SORCS1: variants seen among roughly 807,000 people sequenced by gnomAD.
SORCS1 encodes sortilin related VPS10 domain containing receptor 1, also known as VPS10 domain-containing receptor SorCS1.
Under a neutral mutation model 146.1 loss-of-function variants are expected in SORCS1, and 60 were observed. The observed-to-expected ratio is 0.41, with a 90% CI of 0.33 to 0.51. The LOEUF (loss-of-function observed/expected upper bound fraction) is 0.51. Among genes scored for constraint, SORCS1 ranks in the 20% least tolerant of loss-of-function variants. SORCS1 has a pLI of 0.21. For missense variants in SORCS1, 1,352 were observed against 1,487.6 expected (o/e 0.91, Z 1.50); for synonymous variants, 637 against 584.0 (o/e 1.09, Z -1.31).
chr10:106,583,735 C>T (rs974738772), intron 24 of SORCS1, among the ~76,000 whole-genome samples: 23 of 151,954 alleles, frequency 1.5e-4, no homozygotes, highest in Non-Finnish European at 2.8e-4. Context: ...GTCTCGAACG[C>T]TAACCTTGAG....
At chr10:106,816,371 A>G (rs566107086) in intron 3 of SORCS1, among the ~76,000 whole-genome samples, 2 of 152,316 alleles carry the variant, frequency 1.3e-5, no homozygotes, top group Non-Finnish European at 2.9e-5. Flanking sequence ...CTGAGAGGCC[A>G]CCAGCCTAGC....
chr10:106,647,059 C>T (rs1849504883), intron 18 of SORCS1, among the ~76,000 whole-genome samples: 1 of 140,350 alleles, frequency 7.1e-6, no homozygotes, highest in African/African-American at 2.6e-5. Flanking sequence ...GTCAGTCATC[C>T]AAATTTGTGA....
intron 2 of SORCS1, among the ~76,000 whole-genome samples, chr10:106,853,235 T>C (rs531210396): frequency 6.6e-6 from 1 of 152,312 alleles, no homozygotes; most frequent in African/African-American, 2.4e-5. Flanking sequence ...ACTTCACCTA[T>C]GTTATTAAAT....
At chr10:106,647,741 AC>A (rs1849553772) in intron 18 of SORCS1, among the ~76,000 whole-genome samples, 1 of 152,206 alleles carries the variant, frequency 6.6e-6, no homozygotes, top group South Asian at 2.1e-4. Context: ...TTGTGGTATG[AC>A]TTTTTTCACA....
chr10:106,867,902 G>T (rs924591907), intron 2 of SORCS1, among the ~76,000 whole-genome samples: 3 of 152,116 alleles, frequency 2.0e-5, no homozygotes, highest in Non-Finnish European at 4.4e-5. Flanking sequence ...CACTTTAAAG[G>T]CACAGAGTGT....
At chr10:106,809,435 A>G (rs1947352056) in intron 3 of SORCS1, among the ~76,000 whole-genome samples, 1 of 152,130 alleles carries the variant, frequency 6.6e-6, no homozygotes, top group Admixed American at 6.6e-5. Context: ...AGGCTCTCTC[A>G]TCATGCCAGG....
chr10:107,056,672 A>G (rs536479957), intron 1 of SORCS1, among the ~76,000 whole-genome samples: 2 of 152,364 alleles, frequency 1.3e-5, no homozygotes, highest in South Asian at 4.1e-4. Context: ...TATAAGTGAT[A>G]AAAAGCAAGA....
At chr10:106,737,182 C>T (rs1458767771) in intron 5 of SORCS1, among the ~76,000 whole-genome samples, 1 of 152,066 alleles carries the variant, frequency 6.6e-6, no homozygotes, top group East Asian at 1.9e-4. Flanking sequence ...GAGCAAAGGG[C>T]TTGGTAAATA....
Position 107,164,394 on chromosome 10 carries a change from A to G in SORCS1, c.133T>C (p.Ser45Pro). 1 of 1,438,106 alleles carries G rather than the reference A, an allele frequency of 7.0e-7. No individual in the cohort carries two copies. Among genetic ancestry groups the G allele is most frequent in the Non-Finnish European group, 9.1e-7 (1 of 1,100,652 alleles). 89.1% of individuals were successfully genotyped at this position (1,438,106 alleles called of 1,614,324 possible). A position where few individuals can be genotyped will look rare whatever the true frequency, so the allele number is the denominator to read the frequency against. Reference protein sequence around the residue: ...GSCCPSPHPSSAPRSASTPRG... With the variant: ...GSCCPSPHPSPAPRSASTPRG... ...GGGGTCGAGGCCGAGCGTGGAGCGGAGCTGGGGTGCGGCGAGGGGCAGCAG... is the reference window on the plus strand; with the variant it reads ...GGGGTCGAGGCCGAGCGTGGAGCGGGGCTGGGGTGCGGCGAGGGGCAGCAG... The change falls in exon 1 of 26, where the codon TCC (serine) becomes CCC (proline). Residue 45 changes from serine (S) to proline (P), a missense_variant. By Grantham distance (74) the Ser-to-Pro change is moderately conservative. Transcript: ENST00000263054. This position sits in a 1 kb window ranked among gnomAD's most constrained non-coding sequence, Gnocchi z 6.8.
chr10:106,827,390 G>C (rs549608455), intron 3 of SORCS1, among the ~76,000 whole-genome samples: 1 of 152,036 alleles, frequency 6.6e-6, no homozygotes, highest in Admixed American at 6.6e-5. Flanking sequence ...TCAAGGCAGG[G>C]ACTTAGATTT....
intron 1 of SORCS1, among the ~76,000 whole-genome samples, chr10:107,049,805 C>T (rs1469532190): frequency 6.6e-6 from 1 of 152,088 alleles, no homozygotes; most frequent in Non-Finnish European, 1.5e-5. Flanking sequence ...GTAAAAATTA[C>T]AAGAGGCTAA....
chr10:106,747,106 T>C (rs142903745), intron 5 of SORCS1, among the ~76,000 whole-genome samples: 135 of 152,392 alleles, frequency 8.9e-4, no homozygotes, highest in East Asian at 5.8e-4. Flanking sequence ...TCAGCACTCA[T>C]GTAAAACCCT....
At chr10:106,941,925 C>G (rs1954064254) in intron 2 of SORCS1, among the ~76,000 whole-genome samples, 1 of 152,108 alleles carries the variant, frequency 6.6e-6, no homozygotes, top group South Asian at 2.1e-4. Context: ...CTCCCATAAC[C>G]AGGATGGAGA....
intron 1 of SORCS1, among the ~76,000 whole-genome samples, chr10:107,130,696 A>G (rs1354124880): frequency 6.6e-6 from 1 of 150,874 alleles, no homozygotes; most frequent in African/African-American, 2.4e-5. Flanking sequence ...AGATTTCCCT[A>G]TGGACTCTGG....
intron 1 of SORCS1, among the ~76,000 whole-genome samples, chr10:107,025,364 C>CA (rs1448503432): frequency 6.6e-6 from 1 of 152,166 alleles, no homozygotes; most frequent in Non-Finnish European, 1.5e-5. Flanking sequence ...AAGGCTCAAG[C>CA]AGACTCCAGC....
chr10:106,707,861 A>C lies in SORCS1; in HGVS notation c.1144-1227T>G, dbSNP rs576894546. ...AACCCCTCTAAATGCCTGGAGTTTC[A>C]ATGACAGCTGGAGTCTGCATACTCA... On this transcript the variant is annotated intron_variant, in intron 7 of 25. Coordinates refer to ENST00000263054, the MANE Select transcript of SORCS1 (RefSeq NM_052918.5). Among the ~76,000 whole-genome samples, 3 of 152,208 alleles carry C rather than the reference A, an allele frequency of 2.0e-5. No individual in the cohort carries two copies. The East Asian group carries it at 5.8e-4, about 29-fold the overall frequency.
intron 1 of SORCS1, among the ~76,000 whole-genome samples, chr10:107,130,258 A>T (rs928235161): frequency 6.6e-6 from 1 of 152,214 alleles, no homozygotes; most frequent in African/African-American, 2.4e-5. Context: ...TTTAAAAAAA[A>T]TAGGTTTCTC....
In SORCS1 at chr10:106,761,242, T is replaced by C. The variant is rs146842144; in HGVS notation, c.959+346A>G. ...TTCATCTGAATATGCGATATATGTG[T>C]ATATAATGCTTTTAATAATAAAAAG... is the stretch of plus-strand genomic sequence containing the variant. On this transcript the variant is annotated intron_variant, in intron 5 of 25. Coordinates refer to ENST00000263054, the MANE Select transcript of SORCS1 (RefSeq NM_052918.5). Among the ~76,000 whole-genome samples the C allele has an allele frequency of 2.0e-3, 304 of 152,302 alleles. 2 individuals carry two copies. Among genetic ancestry groups the C allele is most frequent in the African/African-American group, 7.0e-3 (292 of 41,540 alleles).
chr10:106,896,476 G>A (rs2137988112), intron 2 of SORCS1, among the ~76,000 whole-genome samples: 1 of 150,534 alleles, frequency 6.6e-6, no homozygotes, highest in South Asian at 2.1e-4. Context: ...GTGGCTCCTA[G>A]GGATTAGGGG....
Sources: allele counts gnomAD v4.1 joint callset (sites outside exome capture counted in the v4.1 genomes callset), GRCh38; gene constraint gnomAD v4.1.1; non-coding constraint Gnocchi (gnomAD v3.1); transcripts MANE v1.5; gene names NCBI Gene and HGNC (gene_info 2026-07-23, HGNC 2026-07-21).